RASL12: variants seen among roughly 807,000 people sequenced by gnomAD.
RASL12 encodes RAS like family 12.
RASL12 carries 16 observed loss-of-function variants against 22.9 expected under a neutral mutation model. The ratio of observed to expected loss-of-function variants is 0.70; its 90% CI spans 0.47 to 1.06. The LOEUF is 1.06. Ranked by LOEUF, RASL12 falls within the 50% of genes least tolerant of loss-of-function variation. The pLI is 0.00. For synonymous variants in RASL12, 159 were observed against 152.2 expected (o/e 1.04, Z -0.33); for missense variants, 306 against 353.1 (o/e 0.87, Z 1.07).
rs776491283 is a variant in RASL12 at position 65,065,322 on chromosome 15, C to T, written c.104-49G>A. On this transcript the variant is annotated intron_variant, in intron 1 of 4. Coordinates refer to ENST00000220062, the MANE Select transcript of RASL12 (RefSeq NM_016563.4). ...GCTCCATCTCCGCGGCCATGTCTAG[C>T]TGCTGGCCCCTCGTTTAAGGGAGGC... 4 of 1,565,558 alleles carry T rather than the reference C, an allele frequency of 2.6e-6. No homozygotes were observed. The African/African-American group carries it at 4.0e-5, about 16-fold the overall frequency.
intron 1 of RASL12, among the ~76,000 whole-genome samples, chr15:65,067,498 G>A (rs952541280): frequency 1.2e-4 from 19 of 152,116 alleles, no homozygotes; most frequent in African/African-American, 4.1e-4. Context: ...AAAGGGAAGA[G>A]GCAGGCAGGG....
chr15:65,051,548 C>A (rs866314542), downstream of RASL12: 2 of 1,613,774 alleles, frequency 1.2e-6, no homozygotes, highest in Non-Finnish European at 1.7e-6. Context: ...CTTGCCCTGG[C>A]AGCTGTGGTG....
upstream of RASL12, chr15:65,068,072 G>T: frequency 9.3e-7 from 1 of 1,076,134 alleles, no homozygotes; most frequent in Non-Finnish European, 1.1e-6. This position sits in a 1 kb window ranked among gnomAD's most constrained non-coding sequence, Gnocchi z 4.2. Flanking sequence ...TGTAAGGGCT[G>T]CGGAGCCCCC....
intron 4 of RASL12, among the ~76,000 whole-genome samples, chr15:65,055,693 C>A (rs1363082724): frequency 6.6e-6 from 1 of 152,174 alleles, no homozygotes; most frequent in East Asian, 1.9e-4. Context: ...AGGCCACCCA[C>A]AGCTCTGGCT....
chr15:65,066,050 G>A (rs2086874017), intron 1 of RASL12, among the ~76,000 whole-genome samples: 1 of 149,952 alleles, frequency 6.7e-6, no homozygotes. Context: ...GTAGAGAAGA[G>A]AAGAGAAGAG....
chr15:65,054,451 G>C lies in RASL12; in HGVS notation c.*448C>G. On this transcript the variant is annotated 3_prime_UTR_variant, in exon 5 of 5. Coordinates refer to ENST00000220062, the MANE Select transcript of RASL12 (RefSeq NM_016563.4). The stretch of plus-strand genomic sequence containing the variant: ...AAACTGCAGCCGCCCTGCCTTTCCC[G>C]TCCACCAGGTGGCACAAGGACCCCA... 9.1e-6 allele frequency: 9 copies of C among 992,290 alleles called. No homozygotes were observed. Among genetic ancestry groups the C allele is most frequent in the South Asian group, 4.6e-5 (1 of 21,518 alleles). 61.5% of individuals were successfully genotyped at this position (992,290 alleles called of 1,614,324 possible).
downstream of RASL12, chr15:65,050,189 C>A: frequency 9.7e-7 from 1 of 1,029,146 alleles, no homozygotes; most frequent in Non-Finnish European, 1.4e-6. Flanking sequence ...ACTGTCGTCC[C>A]CTCCAGGTCA....
chr15:65,057,650 C>T (rs997188178), intron 4 of RASL12, among the ~76,000 whole-genome samples: 37 of 152,328 alleles, frequency 2.4e-4, no homozygotes, highest in Admixed American at 1.6e-3. Context: ...CTCAGCCCAG[C>T]CAACTGTGGG....
chr15:65,067,680 C>G, intron 1 of RASL12, 53 bp downstream of exon 1: 1 of 1,498,326 alleles, frequency 6.7e-7, no homozygotes, highest in Non-Finnish European at 8.9e-7. Flanking sequence ...CACTGTCCCC[C>G]CACCCACGCC....
At chr15:65,061,388 T>C (rs916862976) in intron 2 of RASL12, among the ~76,000 whole-genome samples, 3 of 152,144 alleles carry the variant, frequency 2.0e-5, no homozygotes, top group African/African-American at 7.2e-5. Context: ...CCCAGTCTGG[T>C]GGGGATGTGG....
chr15:65,054,742 C>T lies in RASL12; in HGVS notation c.*157G>A. On this transcript the variant is annotated 3_prime_UTR_variant, in exon 5 of 5. Transcript: ENST00000220062. ...ACAGAAGCAGCATCCCTGCCTGCCA[C>T]TCCAGCTCACACAGTGAATTGAGTG... 6.9e-7 allele frequency: 1 copy of T among 1,449,950 alleles called. No homozygotes were observed. The highest frequency in any genetic ancestry group is 9.0e-7 in the Non-Finnish European group (1 of 1,106,794). 89.8% of individuals were successfully genotyped at this position (1,449,950 alleles called of 1,614,324 possible).
intron 1 of RASL12, among the ~76,000 whole-genome samples, chr15:65,074,153 C>A (rs930948437): frequency 7.3e-6 from 1 of 137,344 alleles, no homozygotes; most frequent in African/African-American, 2.8e-5. Context: ...CAAATTAAAA[C>A]CCTGGTCCTG....
downstream of RASL12, among the ~76,000 whole-genome samples, chr15:65,051,256 C>T (rs1364075818): frequency 6.6e-6 from 1 of 152,186 alleles, no homozygotes; most frequent in Non-Finnish European, 1.5e-5. Flanking sequence ...TGCCCTTCAC[C>T]CCTGTTGCCC....
upstream of RASL12, among the ~76,000 whole-genome samples, chr15:65,072,210 T>TC (rs557446686): frequency 6.6e-6 from 1 of 151,904 alleles, no homozygotes; most frequent in African/African-American, 2.4e-5. Flanking sequence ...TGCCCACCCA[T>TC]CCCCCCATCT....
chr15:65,059,793 C>T (rs1566954495), intron 2 of RASL12, among the ~76,000 whole-genome samples: 1 of 152,198 alleles, frequency 6.6e-6, no homozygotes, highest in Non-Finnish European at 1.5e-5. Flanking sequence ...CCCAGGCTTT[C>T]CCACTCTCTT....
chr15:65,053,083 C>T, downstream of RASL12: 1 of 1,614,168 alleles, frequency 6.2e-7, no homozygotes, highest in East Asian at 2.2e-5. Context: ...AAAAGCCAAA[C>T]TTGGCCCAGG....
intron 1 of RASL12, among the ~76,000 whole-genome samples, chr15:65,073,050 G>GAAAC: frequency 6.6e-6 from 1 of 151,840 alleles, no homozygotes; most frequent in East Asian, 1.9e-4. Context: ...CTCAAAAAAA[G>GAAAC]AAACAAACAA....
chr15:65,063,724 G>A (rs543629476), intron 2 of RASL12, among the ~76,000 whole-genome samples: 1 of 63,530 alleles, frequency 1.6e-5, no homozygotes, highest in Admixed American at 1.5e-4. Context: ...CTGGAAGAAG[G>A]GATTCTGCTA....
chr15:65,059,172 G>A (rs1247430679), intron 3 of RASL12, among the ~76,000 whole-genome samples, 173 bp downstream of exon 3: 1 of 152,234 alleles, frequency 6.6e-6, no homozygotes. Flanking sequence ...CTTCTCATTT[G>A]GCAAAGGAAG....
Sources: allele counts gnomAD v4.1 joint callset (sites outside exome capture counted in the v4.1 genomes callset), GRCh38; gene constraint gnomAD v4.1.1; non-coding constraint Gnocchi (gnomAD v3.1); transcripts MANE v1.5; gene names NCBI Gene and HGNC (gene_info 2026-07-23, HGNC 2026-07-21).